The following PKD2L1 variants were observed in gnomAD, a reference collection of about 807,000 sequenced individuals.
PKD2L1 encodes the protein polycystin 2 like 1, transient receptor potential cation channel, also known as polycystin-2-like protein 1.
PKD2L1 carries 77 observed loss-of-function variants against 93.0 expected under a neutral mutation model. The observed-to-expected ratio is 0.83, with a 90% CI of 0.69 to 1.00. PKD2L1 has a LOEUF of 1.00. Among genes scored for constraint, PKD2L1 ranks in the 50% least tolerant of loss-of-function variants. PKD2L1 has a pLI of 0.00. For synonymous variants in PKD2L1, 390 were observed against 388.0 expected (o/e 1.01, Z -0.06); for missense variants, 977 against 990.9 (o/e 0.99, Z 0.19).
intron 13 of PKD2L1, 22 bp from the exon 14 acceptor site, chr10:100,290,160 C>T (rs201811681): frequency 7.4e-5 from 120 of 1,613,424 alleles, no homozygotes; most frequent in South Asian, 2.5e-4. Flanking sequence ...TTGAGAGAGA[C>T]GAATGGAGCA....
intron 2 of PKD2L1, among the ~76,000 whole-genome samples, chr10:100,327,727 G>A (rs1415006822): frequency 6.6e-6 from 1 of 152,206 alleles, no homozygotes; most frequent in African/African-American, 2.4e-5. Flanking sequence ...GCCATTTGCT[G>A]AAAGGAATTG....
chr10:100,293,594 G>T (rs1389243429), intron 9 of PKD2L1, among the ~76,000 whole-genome samples: 2 of 152,034 alleles, frequency 1.3e-5, no homozygotes, highest in Non-Finnish European at 2.9e-5. Context: ...TGACCAACCT[G>T]GTGTCCTCAC....
intron 2 of PKD2L1, among the ~76,000 whole-genome samples, chr10:100,322,391 G>A (rs1290156143): frequency 6.6e-6 from 1 of 152,088 alleles, no homozygotes; most frequent in Non-Finnish European, 1.5e-5. Context: ...GCCGGGCATG[G>A]TCGTGGGCGC....
intron 2 of PKD2L1, among the ~76,000 whole-genome samples, 155 bp downstream of exon 2, chr10:100,329,056 G>T (rs974385039): frequency 6.6e-6 from 1 of 152,162 alleles, no homozygotes; most frequent in Non-Finnish European, 1.5e-5. Flanking sequence ...TAAATAGATG[G>T]GATTGGAATA....
intron 2 of PKD2L1, among the ~76,000 whole-genome samples, chr10:100,313,225 A>G (rs1303911219): frequency 6.6e-6 from 1 of 152,216 alleles, no homozygotes; most frequent in Non-Finnish European, 1.5e-5. Context: ...ACTAGTGCTG[A>G]GACCCGGAGA....
chr10:100,320,868 C>T (rs1245361248), intron 2 of PKD2L1, among the ~76,000 whole-genome samples: 1 of 152,114 alleles, frequency 6.6e-6, no homozygotes, highest in Non-Finnish European at 1.5e-5. Context: ...ATAGCAAATA[C>T]TAAGGAGATA....
intron 2 of PKD2L1, among the ~76,000 whole-genome samples, chr10:100,319,297 G>A (rs1849175897): frequency 6.6e-6 from 1 of 152,196 alleles, no homozygotes; most frequent in African/African-American, 2.4e-5. Context: ...TCTCACTTGA[G>A]GAATCAAGGT....
chr10:100,318,885 C>T (rs1381439251), intron 2 of PKD2L1, among the ~76,000 whole-genome samples: 13 of 145,056 alleles, frequency 9.0e-5, no homozygotes, highest in South Asian at 2.2e-4. Context: ...CTCACTCTGT[C>T]GCCCAGGCTG....
At chr10:100,315,976 T>C (rs2133564398) in intron 2 of PKD2L1, among the ~76,000 whole-genome samples, 1 of 152,292 alleles carries the variant, frequency 6.6e-6, no homozygotes, top group African/African-American at 2.4e-5. Flanking sequence ...GGCGATGACT[T>C]TGGGCTTCCC....
chr10:100,302,328 G>A (rs1008386514), intron 2 of PKD2L1, among the ~76,000 whole-genome samples: 46 of 151,684 alleles, frequency 3.0e-4, no homozygotes, highest in Non-Finnish European at 5.3e-4. Context: ...TTCCCTATGG[G>A]TTATAATTTA....
chr10:100,316,554 T>A (rs746854799), intron 2 of PKD2L1, among the ~76,000 whole-genome samples: 2 of 152,248 alleles, frequency 1.3e-5, no homozygotes, highest in Admixed American at 1.3e-4. Context: ...AATGAATGAA[T>A]GTGTGACTAT....
Sources: allele counts gnomAD v4.1 joint callset (sites outside exome capture counted in the v4.1 genomes callset), GRCh38; gene constraint gnomAD v4.1.1; transcripts MANE v1.5; gene names NCBI Gene and HGNC (gene_info 2026-07-23, HGNC 2026-07-21).